Variants in AP1S3 observed in about 807,000 individuals in gnomAD.
AP1S3 encodes AP-1 complex subunit sigma-3.
Under a neutral mutation model 20.9 loss-of-function variants are expected in AP1S3, and 10 were observed. The observed-to-expected ratio is 0.48, with a 90% CI of 0.29 to 0.81. The LOEUF (loss-of-function observed/expected upper bound fraction) is 0.81. AP1S3 is among the 30% of genes least tolerant of loss of function. AP1S3 has a pLI of 0.08. For synonymous variants in AP1S3, 41 were observed against 61.5 expected, an observed-to-expected ratio of 0.67 and a Z score of 1.56; for missense variants, 154 against 183.8, an observed-to-expected ratio of 0.84 and a Z score of 0.94.
chr2:223,777,797 T>C lies in AP1S3; in HGVS notation c.76A>G (p.Lys26Glu), dbSNP rs1690824066. ...TCCCGGGTGATCTTCTTCCTCTCTT[T>C]ATCAGGGAGAGTGATGTACCATTTC... Reference protein sequence around the residue: ...LQKWYITLPDKERKKITREIV... With the variant: ...LQKWYITLPDEERKKITREIV... Residue 26 changes from lysine to glutamate, a missense_variant, in exon 2 of 5, where the codon AAA (lysine) becomes GAA (glutamate). By Grantham distance (56) the Lys-to-Glu change is moderately conservative. Transcript: ENST00000396654. 3.1e-6 allele frequency: 5 copies of C among 1,614,014 alleles called. No homozygotes were observed. The South Asian group carries it at 5.5e-5, about 18-fold the overall frequency.
rs1388953817 is a variant in AP1S3, at chr2:223,796,776, G to A, written c.4-18907C>T. ...CGTCCTAGGTTCAAGCGATTCTCCC[G>A]CCTCAGCCTCCCAAGCAGCTGGGAT... On this transcript the variant is annotated intron_variant, in intron 1 of 4. Coordinates refer to ENST00000396654, the MANE Select transcript of AP1S3 (RefSeq NM_001039569.2). Among the ~76,000 whole-genome samples the A allele has an allele frequency of 7.9e-5, 12 of 152,150 alleles. No individual in the cohort carries two copies. In the East Asian group the frequency reaches 1.5e-3, roughly 20 times the overall value.
chr2:223,774,273 G>A (rs1207638442), intron 3 of AP1S3, among the ~76,000 whole-genome samples: 5 of 152,136 alleles, frequency 3.3e-5, no homozygotes, highest in Non-Finnish European at 5.9e-5. Context: ...GCTGAGGCAG[G>A]AAGATCGCTT....
chr2:223,818,284 G>C (rs1417087668), intron 1 of AP1S3, among the ~76,000 whole-genome samples: 1 of 152,046 alleles, frequency 6.6e-6, no homozygotes, highest in Non-Finnish European at 1.5e-5. Context: ...GGGCATCATG[G>C]TATGCACCTG....
At chr2:223,800,756 T>C (rs2106110568) in intron 1 of AP1S3, among the ~76,000 whole-genome samples, 1 of 152,306 alleles carries the variant, frequency 6.6e-6, no homozygotes, top group Middle Eastern at 3.4e-3. Context: ...TACTAGAAGC[T>C]TTCCCTTTCA....
intron 1 of AP1S3, among the ~76,000 whole-genome samples, chr2:223,831,705 C>G (rs1692261689): frequency 6.6e-6 from 1 of 152,166 alleles, no homozygotes; most frequent in Non-Finnish European, 1.5e-5. Context: ...AGTGAAGTTT[C>G]AGGTCTCTGG....
At chr2:223,788,467 G>A (rs1691126756) in intron 1 of AP1S3, among the ~76,000 whole-genome samples, 2 of 150,690 alleles carry the variant, frequency 1.3e-5, no homozygotes, top group Admixed American at 1.3e-4. Context: ...ACAAAAATTA[G>A]CTGGGGCTGG....
intron 1 of AP1S3, among the ~76,000 whole-genome samples, chr2:223,819,721 G>A (rs1252073868): frequency 1.3e-5 from 2 of 151,808 alleles, no homozygotes; most frequent in African/African-American, 4.8e-5. Context: ...AGTTTCCATA[G>A]TCAAGATTAT....
intron 1 of AP1S3, among the ~76,000 whole-genome samples, chr2:223,825,479 T>TGAA (rs1692107573): frequency 6.6e-6 from 1 of 152,132 alleles, no homozygotes; most frequent in Non-Finnish European, 1.5e-5. Context: ...TCTGAAGAGC[T>TGAA]GAAGGCGGGG....
At chr2:223,810,186 C>T (rs1691689299) in intron 1 of AP1S3, among the ~76,000 whole-genome samples, 1 of 152,144 alleles carries the variant, frequency 6.6e-6, no homozygotes, top group African/African-American at 2.4e-5. Flanking sequence ...TGACCTCAAA[C>T]ACAGTTGTCT....
intron 1 of AP1S3, among the ~76,000 whole-genome samples, chr2:223,817,933 A>AC (rs1691892101): frequency 6.6e-6 from 1 of 152,078 alleles, no homozygotes; most frequent in Admixed American, 6.5e-5. Flanking sequence ...AATAAAAATG[A>AC]CCCACTGCAT....
At chr2:223,776,224 G>A in intron 2 of AP1S3, 1 of 647,822 alleles carries the variant, frequency 1.5e-6, no homozygotes, top group Non-Finnish European at 2.9e-6. Context: ...AATTACGCAT[G>A]AAAGACTCTC....
intron 1 of AP1S3, among the ~76,000 whole-genome samples, chr2:223,797,314 C>T (rs921778480): frequency 1.3e-5 from 2 of 152,152 alleles, no homozygotes; most frequent in Non-Finnish European, 2.9e-5. Context: ...CAAGCTCCAA[C>T]GAAAGCCGCA....
At chr2:223,788,928 G>C (rs1401880174) in intron 1 of AP1S3, among the ~76,000 whole-genome samples, 1 of 152,040 alleles carries the variant, frequency 6.6e-6, no homozygotes, top group Admixed American at 6.6e-5. Context: ...CTTAATTCAA[G>C]AGACTGAATG....
rs549725725 is a variant in AP1S3 at position 223,773,482 on chromosome 2, T to C, written c.291+2419A>G. 103 of 977,278 alleles carry C rather than the reference T, an allele frequency of 1.1e-4. 1 individual carries two copies. In the South Asian group the frequency reaches 1.6e-3, roughly 15 times the overall value. 60.5% of individuals were successfully genotyped at this position (977,278 alleles called of 1,614,324 possible). Reference sequence around the variant, plus strand: ...TCTCCTTAAAAAAATGAAAATAAACTTGGTATACCAAGAGGAGAAAGAAAA... The same window carrying C: ...TCTCCTTAAAAAAATGAAAATAAACCTGGTATACCAAGAGGAGAAAGAAAA... On this transcript the variant is annotated intron_variant, in intron 3 of 4. Transcript: ENST00000396654.
intron 1 of AP1S3, among the ~76,000 whole-genome samples, chr2:223,786,782 G>GCAGTCCCAA (rs1006277070): frequency 6.6e-6 from 1 of 152,030 alleles, no homozygotes; most frequent in African/African-American, 2.4e-5. Flanking sequence ...GCACACAATT[G>GCAGTCCCAA]CAGTCCCAAC....
chr2:223,780,005 T>G (rs1162476863), intron 1 of AP1S3, among the ~76,000 whole-genome samples: 1 of 151,630 alleles, frequency 6.6e-6, no homozygotes, highest in African/African-American at 2.4e-5. Flanking sequence ...TTGAAAAGGC[T>G]GAGGCCTAAA....
In AP1S3 at chr2:223,758,499, T is replaced by C. The variant is rs1242720915; in HGVS notation, c.*216A>G. 1 of 1,226,868 alleles carries C rather than the reference T, an allele frequency of 8.2e-7. No individual in the cohort carries two copies. Among genetic ancestry groups the C allele is most frequent in the Non-Finnish European group, 1.0e-6 (1 of 984,152 alleles). 76.0% of individuals were successfully genotyped at this position (1,226,868 alleles called of 1,614,324 possible). ...TTAAACATTTAGAGCTACAAGTACC[T>C]ATACAGTATAACACAGACACATAAT... On this transcript the variant is annotated 3_prime_UTR_variant, in exon 5 of 5. Coordinates refer to ENST00000396654, the MANE Select transcript of AP1S3 (RefSeq NM_001039569.2).
rs1690265140 is a variant in AP1S3 at position 223,758,078 on chromosome 2, C to T, written c.*637G>A. On this transcript the variant is annotated 3_prime_UTR_variant, in exon 5 of 5. Coordinates refer to ENST00000396654, the MANE Select transcript of AP1S3 (RefSeq NM_001039569.2). Reference sequence around the variant, plus strand: ...ATTAAAACCTCAGTCAAGATAGCAGCTTCTAAGGCATCAAAAACACTTATT... The same window carrying T: ...ATTAAAACCTCAGTCAAGATAGCAGTTTCTAAGGCATCAAAAACACTTATT... 2 of 984,080 alleles carry T rather than the reference C, an allele frequency of 2.0e-6. No homozygotes were observed. The highest frequency in any genetic ancestry group is 1.2e-4 in the Admixed American group (2 of 16,232). The allele number at this position is 984,080 out of a possible 1,614,324, so 61.0% of individuals were successfully genotyped here.
intron 1 of AP1S3, among the ~76,000 whole-genome samples, chr2:223,825,649 G>C (rs1692110634): frequency 6.6e-6 from 1 of 152,006 alleles, no homozygotes; most frequent in South Asian, 2.1e-4. Context: ...AACATGACAA[G>C]TATCTTGTAA....
Sources: gnomAD v4.1 joint callset for allele counts (sites outside exome capture counted in the v4.1 genomes callset) on GRCh38, gnomAD v4.1.1 for gene constraint, MANE v1.5 for transcripts, NCBI Gene and HGNC (gene_info 2026-07-23, HGNC 2026-07-21) for gene names.